The following RBFOX1 variants were observed in gnomAD, a reference collection of about 807,000 sequenced individuals.
RBFOX1 encodes RNA binding fox-1 homolog 1, also known as RNA binding protein fox-1 homolog 1.
In RBFOX1, 8 loss-of-function variants were observed where a neutral mutation model predicts 57.7. That is an observed-to-expected ratio of 0.14 (90% CI 0.08 to 0.25). The LOEUF is 0.25. RBFOX1 is among the 10% of genes least tolerant of loss of function. The pLI, the probability that RBFOX1 is intolerant of heterozygous loss-of-function variation, is 1.00. For synonymous variants in RBFOX1, 326 were observed against 222.4 expected, an observed-to-expected ratio of 1.47 and a Z score of -4.15; for missense variants, 611 against 548.5, an observed-to-expected ratio of 1.11 and a Z score of -1.14.
intron 9 of RBFOX1, among the ~76,000 whole-genome samples, chr16:7,598,428 A>G (rs1282023529): frequency 6.6e-6 from 1 of 152,190 alleles, no homozygotes; most frequent in African/African-American, 2.4e-5. Context: ...ACTTTATTAC[A>G]TCAAAAGGAG....
At chr16:6,953,454 C>T (rs577647241) in intron 3 of RBFOX1, among the ~76,000 whole-genome samples, 1 of 152,000 alleles carries the variant, frequency 6.6e-6, no homozygotes, top group Non-Finnish European at 1.5e-5. Context: ...GGTGCAGTCT[C>T]AGCTCACCGC....
chr16:7,335,939 A>G (rs1288723442), intron 4 of RBFOX1, among the ~76,000 whole-genome samples: 3 of 152,214 alleles, frequency 2.0e-5, no homozygotes, highest in African/African-American at 7.2e-5. Flanking sequence ...GGACTGTCTC[A>G]TGTGCAGAAA....
At chr16:5,431,706 G>A (rs79363347) in intron 1 of RBFOX1, among the ~76,000 whole-genome samples, 7,049 of 152,188 alleles carry the variant, frequency 0.046, 226 homozygotes, top group Middle Eastern at 0.092. Context: ...TTGCCACTGC[G>A]ATTGTCTTGC....
chr16:7,643,028 T>G (rs1178116498), intron 11 of RBFOX1, among the ~76,000 whole-genome samples: 1 of 152,232 alleles, frequency 6.6e-6, no homozygotes, highest in Non-Finnish European at 1.5e-5. Flanking sequence ...GCCATGACAT[T>G]TGCCACTTGT....
At chr16:5,634,652 A>G (rs903919976) in intron 3 of RBFOX1, among the ~76,000 whole-genome samples, 16 of 152,352 alleles carry the variant, frequency 1.1e-4, no homozygotes, top group African/African-American at 2.6e-4. Flanking sequence ...AGGAAGGATC[A>G]TAGATCACTC....
chr16:7,122,804 C>A (rs145253290), intron 4 of RBFOX1, among the ~76,000 whole-genome samples: 1 of 152,110 alleles, frequency 6.6e-6, no homozygotes, highest in Non-Finnish European at 1.5e-5. Flanking sequence ...TAGAAACAAG[C>A]CATATGTCTT....
intron 2 of RBFOX1, among the ~76,000 whole-genome samples, chr16:6,541,436 C>T (rs1302889013): frequency 6.6e-6 from 1 of 152,200 alleles, no homozygotes; most frequent in Non-Finnish European, 1.5e-5. Context: ...TGGAGTTGGT[C>T]ACAGTGCAGG....
At chr16:7,336,439 A>T in intron 4 of RBFOX1, among the ~76,000 whole-genome samples, 1 of 152,200 alleles carries the variant, frequency 6.6e-6, no homozygotes, top group East Asian at 1.9e-4. Flanking sequence ...GAGTCAGCAG[A>T]TTATTTTCCT....
chr16:5,643,014 C>A (rs1367568063), intron 3 of RBFOX1, among the ~76,000 whole-genome samples: 1 of 152,194 alleles, frequency 6.6e-6, no homozygotes, highest in South Asian at 2.1e-4. Context: ...GGAGCCCTTG[C>A]AGCAGGTCAG....
chr16:6,797,805 C>G (rs138109339), intron 3 of RBFOX1, among the ~76,000 whole-genome samples: 68 of 152,254 alleles, frequency 4.5e-4, no homozygotes, highest in African/African-American at 1.4e-3. Flanking sequence ...TAAGAAGTAA[C>G]ACAACATTAT....
chr16:5,252,627 C>T (rs1032713940), intron 1 of RBFOX1, among the ~76,000 whole-genome samples: 8 of 152,196 alleles, frequency 5.3e-5, no homozygotes, highest in Non-Finnish European at 1.2e-4. Context: ...CACTGTCCAG[C>T]ACCTGCCTGC....
chr16:5,687,560 T>C, intron 3 of RBFOX1, among the ~76,000 whole-genome samples: 1 of 152,212 alleles, frequency 6.6e-6, no homozygotes, highest in East Asian at 1.9e-4. Flanking sequence ...ATGTAAATAG[T>C]ATCTTAAAGT....
intron 3 of RBFOX1, among the ~76,000 whole-genome samples, chr16:5,638,108 T>C (rs548766570): frequency 6.6e-6 from 1 of 152,346 alleles, no homozygotes; most frequent in Non-Finnish European, 1.5e-5. Flanking sequence ...ACAGAGAAGT[T>C]CCCATTCATA....
intron 1 of RBFOX1, among the ~76,000 whole-genome samples, chr16:6,266,453 C>G (rs1031671816): frequency 9.8e-5 from 15 of 152,318 alleles, no homozygotes; most frequent in African/African-American, 3.6e-4. Context: ...ATTGCTCACG[C>G]CTGTAATCCC....
At chr16:5,627,234 T>A (rs946775196) in intron 3 of RBFOX1, among the ~76,000 whole-genome samples, 2 of 152,208 alleles carry the variant, frequency 1.3e-5, no homozygotes, top group Admixed American at 6.5e-5. Flanking sequence ...TCATATCCCA[T>A]GTAGTGGCAC....
chr16:6,801,380 ATCTT>A lies in RBFOX1; in HGVS notation c.-16+146732_-16+146735del, dbSNP rs1308354967. Among the ~76,000 whole-genome samples the A allele has an allele frequency of 5.9e-5, 9 of 152,276 alleles. No individual in the cohort carries two copies. In the Middle Eastern group the frequency reaches 0.024, roughly 403 times the overall value. On this transcript the variant is annotated intron_variant, in intron 3 of 15. Coordinates refer to ENST00000550418, the MANE Select transcript of RBFOX1 (RefSeq NM_018723.4). The stretch of plus-strand genomic sequence containing the variant: ...ATGTATTTAAGGTGTAATTGCATCT[ATCTT>A]TATACTAGTTCCTTTCCCTTGGGAA...
At chr16:7,627,399 G>C (rs1322655729) in intron 10 of RBFOX1, among the ~76,000 whole-genome samples, 2 of 152,102 alleles carry the variant, frequency 1.3e-5, no homozygotes, top group African/African-American at 4.8e-5. Context: ...GTAGGTAGTG[G>C]TATAAATTGA....
chr16:7,652,158 T>G (rs2065203078), intron 11 of RBFOX1, among the ~76,000 whole-genome samples: 2 of 152,176 alleles, frequency 1.3e-5, no homozygotes, highest in South Asian at 4.2e-4. Flanking sequence ...GTGTGGTCAT[T>G]ATGCTCAGAG....
chr16:6,958,236 C>G (rs12918107), intron 3 of RBFOX1, among the ~76,000 whole-genome samples: 7,806 of 152,166 alleles, frequency 0.051, 232 homozygotes, highest in African/African-American at 0.071. Context: ...TTGCTGAGCC[C>G]TGCACGATGC....
Sources: gnomAD v4.1 joint callset for allele counts (sites outside exome capture counted in the v4.1 genomes callset) on GRCh38, gnomAD v4.1.1 for gene constraint, MANE v1.5 for transcripts, NCBI Gene and HGNC (gene_info 2026-07-23, HGNC 2026-07-21) for gene names.